The following ASTN2 variants were observed in gnomAD, a reference collection of about 807,000 sequenced individuals.
The protein encoded by ASTN2 is astrotactin 2.
Under a neutral mutation model 139.8 loss-of-function variants are expected in ASTN2, and 54 were observed. That is an observed-to-expected ratio of 0.39 (90% CI 0.31 to 0.48). The LOEUF (loss-of-function observed/expected upper bound fraction) is 0.48. Ranked by LOEUF, ASTN2 falls within the 20% of genes least tolerant of loss-of-function variation. The pLI, the probability that ASTN2 is intolerant of heterozygous loss-of-function variation, is 0.95. For synonymous variants in ASTN2, 756 were observed against 719.5 expected (o/e 1.05, Z -0.81); for missense variants, 1,565 against 1,725.1 (o/e 0.91, Z 1.64).
intron 13 of ASTN2, among the ~76,000 whole-genome samples, chr9:116,736,907 G>A (rs571025823): frequency 1.6e-4 from 25 of 152,204 alleles, no homozygotes; most frequent in African/African-American, 5.5e-4. Flanking sequence ...AGCTCTGCAA[G>A]GAAATCTGAC....
intron 1 of ASTN2, among the ~76,000 whole-genome samples, chr9:117,406,732 C>T (rs761764145): frequency 2.4e-4 from 37 of 151,902 alleles, no homozygotes; most frequent in Admixed American, 5.2e-4. Context: ...TATTAAAACC[C>T]GTCTCCTTAT....
At chr9:117,258,743 C>T (rs2133104394) in intron 2 of ASTN2, among the ~76,000 whole-genome samples, 1 of 152,214 alleles carries the variant, frequency 6.6e-6, no homozygotes, top group Non-Finnish European at 1.5e-5. Flanking sequence ...ACATGCTGTG[C>T]CCTTGCATCT....
intron 14 of ASTN2, among the ~76,000 whole-genome samples, chr9:116,731,640 T>C (rs983602014): frequency 2.6e-5 from 4 of 152,076 alleles, no homozygotes; most frequent in Admixed American, 6.6e-5. Flanking sequence ...GCTAGGCTGG[T>C]CTCAAACTCC....
At chr9:116,822,197 A>AC (rs777371673) in intron 11 of ASTN2, among the ~76,000 whole-genome samples, 11,012 of 152,052 alleles carry the variant, frequency 0.072, 559 homozygotes, top group East Asian at 0.23. Flanking sequence ...CAATAACAAA[A>AC]AAAAAAAGGT....
intron 3 of ASTN2, among the ~76,000 whole-genome samples, chr9:117,167,886 G>C (rs977333754): frequency 1.3e-4 from 20 of 152,100 alleles, no homozygotes; most frequent in African/African-American, 4.6e-4. Flanking sequence ...CATATGGCTT[G>C]ACTTTTAGCC....
At position 117,328,333 on chromosome 9, in the gene ASTN2, C is replaced by T. The variant is rs145444922; in HGVS notation, c.443-36820G>A. 8.0e-4 allele frequency among the ~76,000 whole-genome samples: 121 copies of T among 152,034 alleles called. 1 individual carries two copies. The highest frequency in any genetic ancestry group is 2.8e-3 in the African/African-American group (117 of 41,464). On this transcript the variant is annotated intron_variant, in intron 1 of 22. Transcript: ENST00000313400. ...TATAGAATGTGCAGAATCTCTCAGC[C>T]TAGGAGGATAGAATACCAAGAAGAG... is the stretch of plus-strand genomic sequence containing the variant.
chr9:116,549,130 G>A (rs1852228512), intron 19 of ASTN2, among the ~76,000 whole-genome samples: 1 of 151,898 alleles, frequency 6.6e-6, no homozygotes, highest in Admixed American at 6.6e-5. Flanking sequence ...GCGGCTGGTG[G>A]CCTGGTCTAG....
intron 16 of ASTN2, among the ~76,000 whole-genome samples, chr9:116,712,077 T>C (rs1813656384): frequency 6.6e-6 from 1 of 152,224 alleles, no homozygotes; most frequent in Non-Finnish European, 1.5e-5. Flanking sequence ...TGGGATTTGA[T>C]TCCTGTCCAT....
intron 1 of ASTN2, among the ~76,000 whole-genome samples, chr9:117,373,300 C>T (rs1342372396): frequency 2.0e-5 from 3 of 152,122 alleles, no homozygotes; most frequent in Non-Finnish European, 4.4e-5. Flanking sequence ...GCTTGTGTTC[C>T]ACTGGCTGCT....
At chr9:116,710,091 G>A (rs1037019006) in intron 16 of ASTN2, among the ~76,000 whole-genome samples, 1 of 152,092 alleles carries the variant, frequency 6.6e-6, no homozygotes, top group African/African-American at 2.4e-5. Context: ...GGAAGCCTAG[G>A]TAGGCCTACC....
rs1554748041 is a variant in ASTN2, at chr9:116,799,708, G to GGC, written c.2396+5923_2396+5924insGC. Among the ~76,000 whole-genome samples, 6 of 143,884 alleles carry GGC rather than the reference G, an allele frequency of 4.2e-5. No homozygotes were observed. The South Asian group carries it at 1.2e-3, about 29-fold the overall frequency. 94.4% of individuals were successfully genotyped at this position (143,884 alleles called of 152,430 possible). A position where few individuals can be genotyped will look rare whatever the true frequency, so the allele number is the denominator to read the frequency against. ...TAGAATGAATGTGGGTAAGAGAGTG[G>GGC]GGGGGGGGAGAATAAAAAACAAACA... On this transcript the variant is annotated intron_variant, in intron 13 of 22. Transcript: ENST00000313400.
In ASTN2 at chr9:116,699,255, G is replaced by A; in HGVS notation, c.2806+26516C>T. 6.2e-7 allele frequency: 1 copy of A among 1,614,220 alleles called. No homozygotes were observed. Among genetic ancestry groups the A allele is most frequent in the Non-Finnish European group, 8.5e-7 (1 of 1,180,052 alleles). Reference sequence around the variant, plus strand: ...CACAGTTGATCGAGGATCAGGGGTGGTCAAATACAGCTGCCTATGTAGTGC... The same window carrying A: ...CACAGTTGATCGAGGATCAGGGGTGATCAAATACAGCTGCCTATGTAGTGC... On this transcript the variant is annotated intron_variant, in intron 16 of 22. Coordinates refer to ENST00000313400, the MANE Select transcript of ASTN2 (RefSeq NM_001365068.1). This position sits in a 1 kb window ranked among gnomAD's most constrained non-coding sequence, Gnocchi z 4.2.
chr9:116,546,951 G>C (rs1454213259), intron 19 of ASTN2, among the ~76,000 whole-genome samples: 1 of 152,186 alleles, frequency 6.6e-6, no homozygotes, highest in East Asian at 1.9e-4. Flanking sequence ...GCTTCTATGA[G>C]AGTGTCTGCA....
At chr9:116,512,732 A>C (rs1344814747) in intron 19 of ASTN2, among the ~76,000 whole-genome samples, 2 of 152,160 alleles carry the variant, frequency 1.3e-5, no homozygotes, top group Non-Finnish European at 2.9e-5. Flanking sequence ...CTTCTTGCTG[A>C]ATTGATCCCT....
intron 2 of ASTN2, among the ~76,000 whole-genome samples, chr9:117,287,052 T>C (rs1034856376): frequency 6.6e-6 from 1 of 152,144 alleles, no homozygotes; most frequent in African/African-American, 2.4e-5. Context: ...GGCAACAACA[T>C]TACTTATCAT....
intron 2 of ASTN2, among the ~76,000 whole-genome samples, chr9:117,234,465 C>T (rs1189926744): frequency 6.6e-6 from 1 of 152,184 alleles, no homozygotes; most frequent in Non-Finnish European, 1.5e-5. Context: ...CCAGTGGAGG[C>T]AAACACACTC....
chr9:117,284,394 C>A (rs916116472), intron 2 of ASTN2, among the ~76,000 whole-genome samples: 1 of 152,168 alleles, frequency 6.6e-6, no homozygotes, highest in African/African-American at 2.4e-5. Context: ...CTTCAGCCAC[C>A]GCACCTGGCC....
intron 1 of ASTN2, among the ~76,000 whole-genome samples, chr9:117,292,739 A>G (rs1259913844): frequency 2.6e-5 from 4 of 152,116 alleles, no homozygotes; most frequent in Non-Finnish European, 5.9e-5. Context: ...GAGAGCTGAT[A>G]GGCAAGCTGA....
intron 16 of ASTN2, among the ~76,000 whole-genome samples, chr9:116,719,805 A>T (rs1204252469): frequency 5.3e-5 from 8 of 152,090 alleles, no homozygotes; most frequent in Admixed American, 5.2e-4. Context: ...GGAAGTAGAA[A>T]ATCATGAAGA....
Sources: allele counts gnomAD v4.1 joint callset (sites outside exome capture counted in the v4.1 genomes callset), GRCh38; gene constraint gnomAD v4.1.1; non-coding constraint Gnocchi (gnomAD v3.1); transcripts MANE v1.5; gene names NCBI Gene and HGNC (gene_info 2026-07-23, HGNC 2026-07-21).